The following PCDHA10 variants were observed in gnomAD, a reference collection of about 807,000 sequenced individuals.
The protein encoded by PCDHA10 is protocadherin alpha-10.
Under a neutral mutation model 61.2 loss-of-function variants are expected in PCDHA10, and 45 were observed. That is an observed-to-expected ratio of 0.74 (90% CI 0.58 to 0.94). PCDHA10 has a LOEUF of 0.94. Ranked by LOEUF, PCDHA10 falls within the 40% of genes least tolerant of loss-of-function variation. The pLI, the probability that PCDHA10 is intolerant of heterozygous loss-of-function variation, is 0.00. For synonymous variants in PCDHA10, 602 were observed against 548.8 expected (o/e 1.10, Z -1.35); for missense variants, 1,278 against 1,236.2 (o/e 1.03, Z -0.51).
intron 1 of PCDHA10, among the ~76,000 whole-genome samples, chr5:140,901,220 TC>T (rs1383510008): frequency 6.6e-6 from 1 of 152,200 alleles, no homozygotes; most frequent in Non-Finnish European, 1.5e-5. Context: ...GTTGATGTGA[TC>T]CCATATATCC....
intron 1 of PCDHA10, among the ~76,000 whole-genome samples, chr5:140,909,595 A>G (rs1336934015): frequency 6.6e-6 from 1 of 151,976 alleles, no homozygotes; most frequent in Non-Finnish European, 1.5e-5. Context: ...TTGATTTACT[A>G]TTTTTCTAGG....
Position 141,009,690 on chromosome 5 carries a change from TTAAA to T in PCDHA10, c.2603_2606del (p.Lys868ThrfsTer44). On this transcript the variant is annotated frameshift_variant, in exon 4 of 4. Transcript: ENST00000307360. LOFTEE classifies it high-confidence loss of function. ...GGTGTCAACAGCAACAGCTGGACCT[TTAAA>T]TACGGACCAGGCAACCCCAAACAAT... 6.2e-7 allele frequency: 1 copy of T among 1,614,068 alleles called. No individual in the cohort carries two copies. Among genetic ancestry groups the T allele is most frequent in the Non-Finnish European group, 8.5e-7 (1 of 1,180,024 alleles).
chr5:140,995,529 C>G (rs1191657600), intron 3 of PCDHA10, among the ~76,000 whole-genome samples: 1 of 152,078 alleles, frequency 6.6e-6, no homozygotes, highest in East Asian at 1.9e-4. Flanking sequence ...GAAATCAAAC[C>G]TCAAATAAGG....
chr5:140,882,352 T>A, intron 1 of PCDHA10: 1 of 1,614,166 alleles, frequency 6.2e-7, no homozygotes, highest in Non-Finnish European at 8.5e-7. Context: ...AGACGGGTAG[T>A]GGCCAGCTCC....
At chr5:141,007,677 T>C (rs2098339934) in intron 3 of PCDHA10, among the ~76,000 whole-genome samples, 1 of 152,158 alleles carries the variant, frequency 6.6e-6, no homozygotes, top group South Asian at 2.1e-4. Flanking sequence ...AGACAAAAGT[T>C]ATCCTACTTC....
intron 1 of PCDHA10, chr5:140,867,194 C>T (rs185502341): frequency 1.6e-3 from 248 of 152,260 alleles, no homozygotes; most frequent in African/African-American, 5.7e-3. Context: ...CAAGACTCCA[C>T]ATTCCATGTA....
chr5:140,966,982 G>C, intron 1 of PCDHA10: 1 of 1,603,506 alleles, frequency 6.2e-7, no homozygotes, highest in Non-Finnish European at 8.5e-7. Flanking sequence ...TGCGGCGCTT[G>C]GGGCCGGGTT....
chr5:140,912,395 T>C (rs782718158), intron 1 of PCDHA10, among the ~76,000 whole-genome samples: 10 of 152,138 alleles, frequency 6.6e-5, no homozygotes, highest in Non-Finnish European at 1.5e-4. Flanking sequence ...CTTAATTTGA[T>C]TCTCAGCTTG....
chr5:140,873,079 T>TC (rs544069393), intron 1 of PCDHA10, among the ~76,000 whole-genome samples: 14 of 151,958 alleles, frequency 9.2e-5, no homozygotes, highest in African/African-American at 2.4e-4. Context: ...TCTAGCTATT[T>TC]CCCCCCCGTA....
At chr5:140,967,188 TCAACGA>T in intron 1 of PCDHA10, 1 of 1,613,420 alleles carries the variant, frequency 6.2e-7, no homozygotes, top group Non-Finnish European at 8.5e-7. Flanking sequence ...ATATTGGACA[TCAACGA>T]CAACTCACCG....
chr5:140,971,500 TAGG>T (rs2096483491), intron 1 of PCDHA10, among the ~76,000 whole-genome samples: 2 of 152,136 alleles, frequency 1.3e-5, no homozygotes, highest in Admixed American at 1.3e-4. Flanking sequence ...TGTGGCAAGA[TAGG>T]AGCAAAAGCC....
intron 1 of PCDHA10, chr5:140,867,277 A>G (rs2153229225): frequency 6.6e-6 from 1 of 152,228 alleles, no homozygotes; most frequent in East Asian, 1.9e-4. Context: ...AATAAACCTG[A>G]TGTGCTTCAA....
chr5:140,898,245 T>G (rs1583300763), intron 1 of PCDHA10, among the ~76,000 whole-genome samples: 1 of 152,246 alleles, frequency 6.6e-6, no homozygotes, highest in East Asian at 1.9e-4. Flanking sequence ...TTTGGTGTTT[T>G]AGACATGAAG....
intron 1 of PCDHA10, among the ~76,000 whole-genome samples, chr5:140,952,338 CA>C (rs55931446): frequency 8.7e-4 from 117 of 135,030 alleles, no homozygotes; most frequent in South Asian, 1.2e-3. Flanking sequence ...AACTCCATCT[CA>C]AAAAAAAAAA....
At chr5:141,001,314 T>A (rs34374778) in intron 3 of PCDHA10, among the ~76,000 whole-genome samples, 7,675 of 152,288 alleles carry the variant, frequency 0.05, 243 homozygotes, top group South Asian at 0.11. Flanking sequence ...TGAAATAATT[T>A]GCCAAACATC....
chr5:140,872,338 A>G (rs970096150), intron 1 of PCDHA10, among the ~76,000 whole-genome samples: 2 of 152,156 alleles, frequency 1.3e-5, no homozygotes, highest in Non-Finnish European at 2.9e-5. Flanking sequence ...AAAATTCTAC[A>G]TGTTCTTGCC....
Position 140,927,187 on chromosome 5 carries a change from C to G in PCDHA10, c.2389-51762C>G, listed in dbSNP as rs558671063. 141 of 1,614,164 alleles carry G rather than the reference C, an allele frequency of 8.7e-5. 1 individual carries two copies. The South Asian group carries it at 1.5e-3, about 17-fold the overall frequency. The stretch of plus-strand genomic sequence containing the variant: ...AGCTGCCTGCGTCTTGACCTACGAC[C>G]TGGTGCTCGAGGACCCGCTGGAGCT... On this transcript the variant is annotated intron_variant, in intron 1 of 3. Transcript: ENST00000307360.
At chr5:140,914,962 T>C (rs1301307235) in intron 1 of PCDHA10, among the ~76,000 whole-genome samples, 2 of 136,964 alleles carry the variant, frequency 1.5e-5, no homozygotes, top group Non-Finnish European at 3.2e-5. Flanking sequence ...TTTTTTTTTT[T>C]CTGAGTCAGA....
intron 1 of PCDHA10, among the ~76,000 whole-genome samples, chr5:140,934,702 C>T (rs538683438): frequency 1.3e-5 from 2 of 152,158 alleles, no homozygotes; most frequent in South Asian, 4.2e-4. Context: ...GATTCCTGGC[C>T]ATCTTACAAA....
Sources: allele counts gnomAD v4.1 joint callset (sites outside exome capture counted in the v4.1 genomes callset), GRCh38; gene constraint gnomAD v4.1.1; transcripts MANE v1.5; gene names NCBI Gene and HGNC (gene_info 2026-07-23, HGNC 2026-07-21).